Variants in ACACB observed in about 807,000 individuals in gnomAD.
ACACB encodes the protein acetyl-CoA carboxylase 2.
Under a neutral mutation model 278.8 loss-of-function variants are expected in ACACB, and 209 were observed. The ratio of observed to expected loss-of-function variants is 0.75; its 90% CI spans 0.67 to 0.84. The LOEUF (loss-of-function observed/expected upper bound fraction) is 0.84, where lower values mean the gene tolerates loss of function less well. ACACB is among the 40% of genes least tolerant of loss of function. The pLI, the probability that ACACB is intolerant of heterozygous loss-of-function variation, is 0.00. For synonymous variants in ACACB, 1,174 were observed against 1,285.6 expected (o/e 0.91, Z 1.86); for missense variants, 2,850 against 3,269.0 (o/e 0.87, Z 3.13).
chr12:109,212,747 G>T, intron 21 of ACACB, 89 bp from the exon 22 acceptor site: 1 of 1,074,620 alleles, frequency 9.3e-7, no homozygotes, highest in Non-Finnish European at 1.4e-6. Flanking sequence ...GTGCTCGTTT[G>T]GGTACTGGTT....
intron 37 of ACACB, 107 bp from the exon 38 acceptor site, chr12:109,245,519 A>G (rs1228861077): frequency 8.3e-7 from 1 of 1,198,520 alleles, no homozygotes; most frequent in African/African-American, 1.5e-5. Context: ...AGAGAGAGTG[A>G]ACTACAGAAT....
chr12:109,171,012 G>GTTTT (rs2044095260), intron 4 of ACACB, among the ~76,000 whole-genome samples: 1 of 87,732 alleles, frequency 1.1e-5, no homozygotes, highest in African/African-American at 3.8e-5. Context: ...ACTTTTTTTG[G>GTTTT]ATTTTTTTTT....
At position 109,260,650 on chromosome 12, in the gene ACACB, G is replaced by A; in HGVS notation, c.6667G>A (p.Glu2223Lys). 3.2e-6 allele frequency: 5 copies of A among 1,570,730 alleles called. No homozygotes were observed. The South Asian group carries it at 4.8e-5, about 15-fold the overall frequency. The change falls in exon 48 of 53, where the codon GAG becomes AAG. Residue 2223 changes from glutamate (E) to lysine (K), a missense_variant. Physicochemically the swap from Glu to Lys is moderately conservative, Grantham distance 56. Around this residue, in one of 3 missense-constraint regions of ACACB, gnomAD observed 579 missense variants for 684.6 expected, o/e 0.85. Coordinates refer to ENST00000338432, the MANE Select transcript of ACACB (RefSeq NM_001093.4). ...GTGCATAGAAATGTATGCAGACAAA[G>A]AGAGCAGGTGGGTGTGTTGCCCTTA... ...PLCIEMYADK[E>K]SRGGVLEPEG...
rs181754564 is a variant in ACACB, at chr12:109,262,776, C to T, written c.6787+307C>T. On this transcript the variant is annotated intron_variant, in intron 49 of 52. Transcript: ENST00000338432. ...GGGACTACAAGTACGCAACACCATGCCTAGCTAATTTTTGTATTTTTGTAG... is the reference window on the plus strand; with the variant it reads ...GGGACTACAAGTACGCAACACCATGTCTAGCTAATTTTTGTATTTTTGTAG... Among the ~76,000 whole-genome samples the T allele has an allele frequency of 3.3e-5, 5 of 151,468 alleles. No individual in the cohort carries two copies. The East Asian group carries it at 9.8e-4, about 30-fold the overall frequency.
intron 44 of ACACB, 123 bp from the exon 45 acceptor site, chr12:109,256,017 G>T (rs2047214557): frequency 1.5e-6 from 1 of 655,536 alleles, no homozygotes; most frequent in East Asian, 2.8e-5. Context: ...AGGTAGAAAG[G>T]GGTATCTGGG....
chr12:109,211,610 T>C (rs975979978), intron 21 of ACACB, among the ~76,000 whole-genome samples: 104 of 152,230 alleles, frequency 6.8e-4, no homozygotes, highest in African/African-American at 2.4e-3. Flanking sequence ...AAGAAGGAAG[T>C]AGATTAGTGG....
At chr12:109,144,636 C>T (rs900316391) in intron 2 of ACACB, among the ~76,000 whole-genome samples, 6 of 151,848 alleles carry the variant, frequency 4.0e-5, no homozygotes, top group African/African-American at 1.2e-4. Flanking sequence ...ATGGGTCTTC[C>T]GAAGAGCTGA....
At chr12:109,226,384 C>T (rs183748334) in intron 27 of ACACB, among the ~76,000 whole-genome samples, 264 of 151,976 alleles carry the variant, frequency 1.7e-3, no homozygotes, top group African/African-American at 5.9e-3. Flanking sequence ...ATATTTGGCC[C>T]ACCACCTGTT....
At position 109,156,874 on chromosome 12, in the gene ACACB, C is replaced by CTAGT. The variant is rs202243810; in HGVS notation, c.654-9987_654-9986insTAGT. On this transcript the variant is annotated intron_variant, in intron 2 of 52. Transcript: ENST00000338432. ...GGCTGATGGGTGCAACAGTAATAGC[C>CTAGT]ACTACCACTCATGGGGTGCTTTCAG... 6.2e-3 allele frequency among the ~76,000 whole-genome samples: 942 copies of CTAGT among 152,184 alleles called. 4 individuals carry two copies. Among genetic ancestry groups the CTAGT allele is most frequent in the Middle Eastern group, 0.014 (4 of 294 alleles).
chr12:109,126,134 G>C (rs2042674510), intron 1 of ACACB, among the ~76,000 whole-genome samples: 1 of 152,228 alleles, frequency 6.6e-6, no homozygotes, highest in African/African-American at 2.4e-5. Context: ...GAGAAGCGAA[G>C]AAGGATAGGA....
At chr12:109,122,499 G>C (rs894714706) in intron 1 of ACACB, among the ~76,000 whole-genome samples, 7 of 144,534 alleles carry the variant, frequency 4.8e-5, no homozygotes, top group African/African-American at 1.6e-4. Context: ...CTTGAGCCCA[G>C]GAATTCAAGG....
intron 7 of ACACB, among the ~76,000 whole-genome samples, chr12:109,174,804 AG>A (rs2044232621): frequency 1.3e-5 from 2 of 152,116 alleles, no homozygotes; most frequent in African/African-American, 4.8e-5. Context: ...TAGGAGGTCG[AG>A]GTTACAGTGA....
chr12:109,192,050 G>C lies in ACACB; in HGVS notation c.2399+100G>C, dbSNP rs188598969. 1.0e-4 allele frequency: 127 copies of C among 1,232,570 alleles called. 1 individual carries two copies. The African/African-American group carries it at 1.4e-3, about 13-fold the overall frequency. 76.4% of individuals were successfully genotyped at this position (1,232,570 alleles called of 1,614,324 possible). On this transcript the variant is annotated intron_variant, in intron 15 of 52. Transcript: ENST00000338432. ...ATTTGTGTGGCCAGTTAGTCACCAG[G>C]CAATTGGTGAGTCTCTCCTCCGGTC... is the stretch of plus-strand genomic sequence containing the variant.
chr12:109,171,299 A>G (rs958520600), intron 4 of ACACB, among the ~76,000 whole-genome samples: 1 of 151,770 alleles, frequency 6.6e-6, no homozygotes, highest in Non-Finnish European at 1.5e-5. Context: ...TTGTCCAGAA[A>G]CATATCTGTA....
chr12:109,209,746 G>C (rs1593569020), intron 21 of ACACB, among the ~76,000 whole-genome samples: 1 of 150,448 alleles, frequency 6.6e-6, no homozygotes, highest in Admixed American at 6.6e-5. Context: ...TTTTGTAGGT[G>C]ATCATCTGGG....
chr12:109,255,543 G>C (rs55960723), intron 44 of ACACB, among the ~76,000 whole-genome samples: 3 of 152,140 alleles, frequency 2.0e-5, no homozygotes, highest in Non-Finnish European at 4.4e-5. Flanking sequence ...CCTGGGTGCC[G>C]GGCCTCCCAT....
At chr12:109,249,833 G>T (rs2047046433) in intron 40 of ACACB, 151 bp from the exon 41 acceptor site, 2 of 939,668 alleles carry the variant, frequency 2.1e-6, no homozygotes, top group Non-Finnish European at 1.6e-6. Context: ...CATTTTGAGG[G>T]TTCTAGATGC....
Position 109,245,680 on chromosome 12 carries a change from T to G in ACACB, c.5233T>G (p.Tyr1745Asp). Residue 1745 changes from tyrosine to aspartate, a missense_variant, in exon 38 of 53, where the codon TAC becomes GAC. Tyr to Asp is a radical substitution (Grantham distance 160, BLOSUM62 -3). Transcript: ENST00000338432. Reference protein sequence around the residue: ...PDKYPKDILTYTELVLDSQGQ... With the variant: ...PDKYPKDILTDTELVLDSQGQ... The stretch of plus-strand genomic sequence containing the variant: ...CAAGTATCCCAAAGACATCCTGACA[T>G]ACACTGAATTAGTGTTGGACTCTCA... 1.9e-6 allele frequency: 3 copies of G among 1,614,174 alleles called. No individual in the cohort carries two copies. The highest frequency in any genetic ancestry group is 2.5e-6 in the Non-Finnish European group (3 of 1,180,012).
At chr12:109,128,783 G>T (rs2042748512) in intron 1 of ACACB, among the ~76,000 whole-genome samples, 1 of 150,080 alleles carries the variant, frequency 6.7e-6, no homozygotes, top group Non-Finnish European at 1.5e-5. Context: ...ATAATAGATG[G>T]ACTTTTTTTT....
Sources: gnomAD v4.1 joint callset for allele counts (sites outside exome capture counted in the v4.1 genomes callset) on GRCh38, gnomAD v4.1.1 for gene constraint, gnomAD v4.1.1 regional missense constraint, MANE v1.5 for transcripts, NCBI Gene and HGNC (gene_info 2026-07-23, HGNC 2026-07-21) for gene names.